Variants in ERBB4 observed in about 807,000 individuals in gnomAD.
The protein encoded by ERBB4 is receptor tyrosine-protein kinase erbB-4.
Under a neutral mutation model 158.0 loss-of-function variants are expected in ERBB4, and 42 were observed. That is an observed-to-expected ratio of 0.27 (90% CI 0.21 to 0.34). The LOEUF (loss-of-function observed/expected upper bound fraction) is 0.34, where lower values mean the gene tolerates loss of function less well. Among genes scored for constraint, ERBB4 ranks in the 10% least tolerant of loss-of-function variants. The pLI is 1.00. For missense variants in ERBB4, 1,333 were observed against 1,624.1 expected (o/e 0.82, Z 3.08); for synonymous variants, 583 against 558.7 (o/e 1.04, Z -0.61).
At chr2:212,085,612 A>G (rs2078580760) in intron 2 of ERBB4, among the ~76,000 whole-genome samples, 1 of 151,944 alleles carries the variant, frequency 6.6e-6, no homozygotes, top group Non-Finnish European at 1.5e-5. Context: ...TCTTCATAGC[A>G]AAAACTATAA....
intron 1 of ERBB4, among the ~76,000 whole-genome samples, chr2:212,389,045 T>C (rs1038778636): frequency 6.6e-6 from 1 of 152,092 alleles, no homozygotes; most frequent in Non-Finnish European, 1.5e-5. Flanking sequence ...AAAAAGTGTA[T>C]AGACTACAGG....
chr2:211,672,250 C>G (rs1468992030), intron 14 of ERBB4, among the ~76,000 whole-genome samples: 6 of 152,052 alleles, frequency 3.9e-5, no homozygotes, highest in Admixed American at 3.9e-4. Context: ...ATGTGAAGCT[C>G]TTGTCTACAT....
chr2:211,952,385 T>C (rs1054455310), intron 2 of ERBB4, among the ~76,000 whole-genome samples: 14 of 152,052 alleles, frequency 9.2e-5, no homozygotes, highest in Non-Finnish European at 2.1e-4. Flanking sequence ...TTGGCAGATC[T>C]GGATAAAAAG....
chr2:211,525,177 G>A lies in ERBB4; in HGVS notation c.2487+36726C>T, dbSNP rs528807724. 2.9e-3 allele frequency among the ~76,000 whole-genome samples: 445 copies of A among 152,192 alleles called. 4 individuals are homozygous for A. The highest frequency in any genetic ancestry group is 4.8e-3 in the Non-Finnish European group (328 of 68,018). On this transcript the variant is annotated intron_variant, in intron 20 of 27. Transcript: ENST00000342788. ...CTACGTACTGAGCCAGTGGACTTCG[G>A]GGGCACATGACCTACTAAAACACCA...
chr2:211,840,442 T>C (rs1426766061), intron 3 of ERBB4, among the ~76,000 whole-genome samples: 1 of 152,108 alleles, frequency 6.6e-6, no homozygotes, highest in Non-Finnish European at 1.5e-5. Context: ...CTCTCACTTG[T>C]AACGTTTGCC....
chr2:211,850,959 C>A (rs2077706381), intron 3 of ERBB4, among the ~76,000 whole-genome samples: 1 of 151,930 alleles, frequency 6.6e-6, no homozygotes, highest in Non-Finnish European at 1.5e-5. Flanking sequence ...TTGGACCTTG[C>A]AATTTGACTC....
At chr2:212,254,822 A>G (rs989211977) in intron 1 of ERBB4, among the ~76,000 whole-genome samples, 9 of 152,156 alleles carry the variant, frequency 5.9e-5, no homozygotes, top group African/African-American at 1.9e-4. Flanking sequence ...GTCATTCTAG[A>G]TGGCTAGTTA....
chr2:211,975,015 G>A (rs960126785), intron 2 of ERBB4, among the ~76,000 whole-genome samples: 3 of 151,712 alleles, frequency 2.0e-5, no homozygotes, highest in Admixed American at 2.0e-4. Context: ...ACAGAGCCTT[G>A]CTCTGTCACT....
chr2:211,690,335 C>G (rs2072756333), intron 12 of ERBB4, among the ~76,000 whole-genome samples: 2 of 152,068 alleles, frequency 1.3e-5, no homozygotes, highest in Admixed American at 1.3e-4. Context: ...CTAAAGGTGA[C>G]AGCACTTTAC....
intron 15 of ERBB4, 98 bp from the exon 16 acceptor site, chr2:211,657,926 A>T: frequency 6.2e-7 from 1 of 1,609,638 alleles, no homozygotes. Context: ...GAGGAAGAAC[A>T]TGGGAAGCAA....
intron 1 of ERBB4, among the ~76,000 whole-genome samples, chr2:212,169,200 G>A (rs73987276): frequency 0.022 from 3,278 of 151,940 alleles, 112 homozygotes; most frequent in African/African-American, 0.072. Flanking sequence ...GTATGAGTAC[G>A]TAAAGAAATA....
intron 13 of ERBB4, among the ~76,000 whole-genome samples, chr2:211,676,808 TAATTTATTA>T (rs927616933): frequency 4.1e-5 from 4 of 98,520 alleles, no homozygotes; most frequent in African/African-American, 2.0e-4. Context: ...TGTTTCATTT[TAATTTATTA>T]GTCTATTGTG....
At chr2:211,984,503 T>C (rs1012116358) in intron 2 of ERBB4, among the ~76,000 whole-genome samples, 4 of 152,294 alleles carry the variant, frequency 2.6e-5, no homozygotes, top group African/African-American at 7.2e-5. Context: ...ATCTAAACCC[T>C]GTACCTTAGG....
At chr2:211,889,492 C>A (rs2078905341) in intron 3 of ERBB4, among the ~76,000 whole-genome samples, 1 of 151,672 alleles carries the variant, frequency 6.6e-6, no homozygotes, top group Non-Finnish European at 1.5e-5. Context: ...TGCAGAGCGC[C>A]TCTCCTCCTC....
intron 2 of ERBB4, among the ~76,000 whole-genome samples, chr2:211,966,102 T>G (rs1284790325): frequency 6.6e-6 from 1 of 151,982 alleles, no homozygotes; most frequent in Non-Finnish European, 1.5e-5. Context: ...TGGTCCCAGC[T>G]ACCCAGGAAG....
chr2:212,446,265 G>A (rs2092346262), intron 1 of ERBB4, among the ~76,000 whole-genome samples: 1 of 150,486 alleles, frequency 6.6e-6, no homozygotes, highest in African/African-American at 2.5e-5. Flanking sequence ...TCTAGGGTGT[G>A]TCTGTAAGGG....
chr2:212,435,673 T>C (rs2092121849), intron 1 of ERBB4, among the ~76,000 whole-genome samples: 1 of 151,878 alleles, frequency 6.6e-6, no homozygotes, highest in Non-Finnish European at 1.5e-5. Context: ...AATCCCAGGT[T>C]CTAGATGAAG....
chr2:211,540,532 T>C (rs1189074321), intron 20 of ERBB4, among the ~76,000 whole-genome samples: 1 of 151,638 alleles, frequency 6.6e-6, no homozygotes, highest in East Asian at 1.9e-4. Context: ...TTTTGTTTTT[T>C]GGTGTTTTTT....
intron 3 of ERBB4, among the ~76,000 whole-genome samples, chr2:211,863,088 C>G (rs562854154): frequency 1.3e-5 from 2 of 152,058 alleles, no homozygotes; most frequent in Admixed American, 6.5e-5. Flanking sequence ...CTGTGTCTAG[C>G]TAAAGGATTG....
Sources: gnomAD v4.1 joint callset for allele counts (sites outside exome capture counted in the v4.1 genomes callset) on GRCh38, gnomAD v4.1.1 for gene constraint, MANE v1.5 for transcripts, NCBI Gene and HGNC (gene_info 2026-07-23, HGNC 2026-07-21) for gene names.